Variants in NAA35 observed in about 807,000 individuals in gnomAD.
NAA35 encodes the protein N-alpha-acetyltransferase 35, NatC auxiliary subunit.
In NAA35, 18 loss-of-function variants were observed where a neutral mutation model predicts 101.7. The ratio of observed to expected loss-of-function variants is 0.18; its 90% confidence interval spans 0.12 to 0.26. The LOEUF is 0.26. NAA35 is among the 10% of genes least tolerant of loss of function. The probability of loss-of-function intolerance (pLI) is 1.00; values close to 1 mark genes in which losing one functional copy is unlikely to be tolerated. For synonymous variants in NAA35, 267 were observed against 273.1 expected (o/e 0.98, Z 0.22); for missense variants, 601 against 886.8 (o/e 0.68, Z 4.09).
Position 85,973,771 on chromosome 9 carries a change from A to G in NAA35, c.517-1196A>G, listed in dbSNP as rs1830098998. Among the ~76,000 whole-genome samples, 7 of 151,534 alleles carry G rather than the reference A, an allele frequency of 4.6e-5. No individual in the cohort carries two copies. In the South Asian group the frequency reaches 1.5e-3, roughly 32 times the overall value. On this transcript the variant is annotated intron_variant, in intron 6 of 22. Transcript: ENST00000361671. Reference sequence around the variant, plus strand: ...AGTGTTTTTTTTTTTTAAGGATTTGATCATGTAAGTCATAAAATACACCTG... The same window carrying G: ...AGTGTTTTTTTTTTTTAAGGATTTGGTCATGTAAGTCATAAAATACACCTG...
At chr9:86,011,889 T>C (rs1260431603) in intron 15 of NAA35, among the ~76,000 whole-genome samples, 2 of 141,608 alleles carry the variant, frequency 1.4e-5, no homozygotes, top group African/African-American at 5.2e-5. Flanking sequence ...AAATATATAT[T>C]ATATGATATA....
rs1284846920 is a variant in NAA35 at position 85,955,347 on chromosome 9, TATA to T, written c.125-1012_125-1010del. On this transcript the variant is annotated intron_variant, in intron 2 of 22. Transcript: ENST00000361671. ...ATATACATATATATATATATATATATATATATATATATATTTTTTTTTTTTTTT... is the reference window on the plus strand; with the variant it reads ...ATATACATATATATATATATATATATTATATATATATTTTTTTTTTTTTTT... 4.4e-3 allele frequency among the ~76,000 whole-genome samples: 337 copies of T among 77,466 alleles called. 5 individuals are homozygous for T. The highest frequency in any genetic ancestry group is 0.011 in the African/African-American group (186 of 16,974). The allele number at this position is 77,466 out of a possible 152,430, so 50.8% of individuals were successfully genotyped here.
intron 8 of NAA35, among the ~76,000 whole-genome samples, chr9:85,976,405 T>C (rs576759247): frequency 6.6e-6 from 1 of 152,302 alleles, no homozygotes; most frequent in East Asian, 1.9e-4. Flanking sequence ...GAAAATATAC[T>C]ATGTGCCATA....
At chr9:85,989,907 T>C (rs1830829224) in intron 11 of NAA35, among the ~76,000 whole-genome samples, 2 of 152,214 alleles carry the variant, frequency 1.3e-5, no homozygotes, top group Admixed American at 6.5e-5. Context: ...TCATCTGTAA[T>C]ATAAAGATAG....
At chr9:85,950,536 G>A (rs185310092) in intron 2 of NAA35, among the ~76,000 whole-genome samples, 3 of 152,244 alleles carry the variant, frequency 2.0e-5, no homozygotes, top group South Asian at 2.1e-4. Context: ...GAGCCACTGC[G>A]CCCCTGATTA....
intron 14 of NAA35, 106 bp downstream of exon 14, chr9:86,007,570 C>A: frequency 2.7e-6 from 2 of 741,560 alleles, no homozygotes; most frequent in Non-Finnish European, 4.6e-6. Flanking sequence ...GGGACCAAAT[C>A]TCCATGTAAA....
At chr9:85,963,403 T>A (rs1030674146) in intron 6 of NAA35, among the ~76,000 whole-genome samples, 1 of 151,704 alleles carries the variant, frequency 6.6e-6, no homozygotes, top group Non-Finnish European at 1.5e-5. Context: ...CCCGGGTAGC[T>A]GGGATTACAG....
intron 14 of NAA35, among the ~76,000 whole-genome samples, 168 bp from the exon 15 acceptor site, chr9:86,009,697 T>C (rs1363555990): frequency 1.3e-5 from 2 of 152,242 alleles, no homozygotes; most frequent in African/African-American, 4.8e-5. Context: ...GTGAATTACA[T>C]AATAATTGTA....
At chr9:85,985,230 A>C (rs900207661) in intron 11 of NAA35, among the ~76,000 whole-genome samples, 2 of 152,218 alleles carry the variant, frequency 1.3e-5, no homozygotes, top group African/African-American at 4.8e-5. Flanking sequence ...TCTTGGAGAT[A>C]GTCTGGTAGT....
At chr9:85,998,008 A>G (rs547379861) in intron 12 of NAA35, among the ~76,000 whole-genome samples, 7 of 152,070 alleles carry the variant, frequency 4.6e-5, no homozygotes, top group African/African-American at 1.7e-4. Context: ...TCCACCTCCC[A>G]GGTTCACGCC....
At chr9:86,016,832 T>A (rs994012871) in intron 18 of NAA35, among the ~76,000 whole-genome samples, 157 bp downstream of exon 18, 1 of 152,238 alleles carries the variant, frequency 6.6e-6, no homozygotes, top group Non-Finnish European at 1.5e-5. Context: ...ATCAATGACA[T>A]AAGCTTTTTG....
intron 11 of NAA35, among the ~76,000 whole-genome samples, chr9:85,993,129 A>G (rs1368568238): frequency 2.6e-5 from 4 of 152,356 alleles, no homozygotes; most frequent in Non-Finnish European, 4.4e-5. Context: ...TCAGATATAA[A>G]TGAGTACAAA....
At chr9:85,982,124 G>A (rs1439239823) in intron 11 of NAA35, among the ~76,000 whole-genome samples, 1 of 152,184 alleles carries the variant, frequency 6.6e-6, no homozygotes, top group African/African-American at 2.4e-5. Context: ...GGTTTTGGAG[G>A]TGGATAAGGA....
intron 21 of NAA35, among the ~76,000 whole-genome samples, chr9:86,019,733 C>T (rs1055938446): frequency 3.3e-5 from 5 of 152,232 alleles, no homozygotes; most frequent in South Asian, 2.1e-4. Flanking sequence ...ATCTTGGGAC[C>T]GCTTCCATAG....
At chr9:85,984,180 T>C (rs1486346507) in intron 11 of NAA35, among the ~76,000 whole-genome samples, 1 of 152,044 alleles carries the variant, frequency 6.6e-6, no homozygotes, top group Non-Finnish European at 1.5e-5. Flanking sequence ...ATTTAAAAAT[T>C]AGCCAGGTGT....
At chr9:85,997,084 C>A (rs562530783) in intron 12 of NAA35, among the ~76,000 whole-genome samples, 1 of 152,004 alleles carries the variant, frequency 6.6e-6, no homozygotes, top group African/African-American at 2.4e-5. Context: ...TCCCAAGAAG[C>A]TGGGACCACA....
intron 16 of NAA35, 150 bp from the exon 17 acceptor site, chr9:86,013,569 C>A (rs1483020727): frequency 7.3e-6 from 5 of 682,328 alleles, no homozygotes; most frequent in Non-Finnish European, 1.2e-5. Flanking sequence ...CAAATGTAAA[C>A]CTAACTAAAA....
intron 21 of NAA35, 141 bp downstream of exon 21, chr9:86,018,962 G>T (rs1832380555): frequency 2.7e-6 from 3 of 1,116,830 alleles, no homozygotes; most frequent in Non-Finnish European, 3.8e-6. Flanking sequence ...AAGGATTTCA[G>T]GTAGTTTTGT....
intron 11 of NAA35, among the ~76,000 whole-genome samples, chr9:85,983,682 G>A (rs1243078068): frequency 1.3e-5 from 2 of 152,096 alleles, no homozygotes; most frequent in Admixed American, 6.5e-5. Context: ...GGGGGCCAAG[G>A]GGAGGGATAG....
Sources: gnomAD v4.1 joint callset for allele counts (sites outside exome capture counted in the v4.1 genomes callset) on GRCh38, gnomAD v4.1.1 for gene constraint, MANE v1.5 for transcripts, NCBI Gene and HGNC (gene_info 2026-07-23, HGNC 2026-07-21) for gene names.